The following SYNPR variants were observed in gnomAD, a reference collection of about 807,000 sequenced individuals.
SYNPR encodes the protein synaptoporin.
In SYNPR, 23 loss-of-function variants were observed where a neutral mutation model predicts 32.9. That is an observed-to-expected ratio of 0.70 (90% CI 0.50 to 0.99). The LOEUF (loss-of-function observed/expected upper bound fraction) is 0.99. Ranked by LOEUF, SYNPR falls within the 50% of genes least tolerant of loss-of-function variation. The probability of loss-of-function intolerance (pLI) is 0.00; values close to 1 mark genes in which losing one functional copy is unlikely to be tolerated. For missense variants in SYNPR, 318 were observed against 349.3 expected (o/e 0.91, Z 0.71); for synonymous variants, 146 against 135.9 (o/e 1.07, Z -0.52).
intron 2 of SYNPR, among the ~76,000 whole-genome samples, chr3:63,411,510 GATA>G (rs1235862237): frequency 2.0e-5 from 3 of 152,074 alleles, no homozygotes; most frequent in Non-Finnish European, 2.9e-5. Context: ...ACTACAAACT[GATA>G]ATAAAAGAAA....
At chr3:63,271,035 CCTT>C (rs1396460847) in intron 3 of SYNPR, among the ~76,000 whole-genome samples, 2 of 94,702 alleles carry the variant, frequency 2.1e-5, no homozygotes, top group African/African-American at 7.0e-5. Flanking sequence ...TTCCTTCCTT[CCTT>C]CTTTTCTTCC....
At chr3:63,394,094 T>C (rs2088179304) in intron 2 of SYNPR, among the ~76,000 whole-genome samples, 1 of 152,180 alleles carries the variant, frequency 6.6e-6, no homozygotes, top group Non-Finnish European at 1.5e-5. Context: ...ACTTCCCCCC[T>C]ACCAGGTGGT....
chr3:63,266,345 T>C (rs1413830535), intron 2 of SYNPR, among the ~76,000 whole-genome samples: 1 of 152,166 alleles, frequency 6.6e-6, no homozygotes, highest in Non-Finnish European at 1.5e-5. Flanking sequence ...CTCAGGTGTT[T>C]GTTGTATTTA....
intron 2 of SYNPR, among the ~76,000 whole-genome samples, chr3:63,341,881 T>C (rs1377679045): frequency 6.6e-6 from 1 of 152,124 alleles, no homozygotes; most frequent in Admixed American, 6.5e-5. Flanking sequence ...AAATTACCTA[T>C]TTTGTTTTGT....
chr3:63,483,548 T>C (rs1701087516), intron 3 of SYNPR, among the ~76,000 whole-genome samples: 1 of 152,186 alleles, frequency 6.6e-6, no homozygotes, highest in Non-Finnish European at 1.5e-5. Flanking sequence ...CATTTACTTT[T>C]AACTCTACAT....
At chr3:63,501,494 C>CAAAAAAAAAAAAAAAAAAAAAA (rs377290258) in intron 3 of SYNPR, among the ~76,000 whole-genome samples, 1 of 96,728 alleles carries the variant, frequency 1.0e-5, no homozygotes, top group Admixed American at 1.1e-4. Flanking sequence ...CTCCCCCAAC[C>CAAAAAAAAAAAAAAAAAAAAAA]AAAAAAAAAA....
intron 1 of SYNPR, among the ~76,000 whole-genome samples, chr3:63,249,657 C>T (rs1265395983): frequency 6.6e-6 from 1 of 152,090 alleles, no homozygotes; most frequent in Non-Finnish European, 1.5e-5. Flanking sequence ...AGAACTTACT[C>T]ATGTAACCAA....
chr3:63,571,493 G>C (rs1314396933), intron 4 of SYNPR, among the ~76,000 whole-genome samples: 1 of 151,972 alleles, frequency 6.6e-6, no homozygotes, highest in Non-Finnish European at 1.5e-5. Flanking sequence ...TTGATAAATA[G>C]GTAATCCGAA....
At chr3:63,455,199 C>G (rs566469381) in intron 2 of SYNPR, among the ~76,000 whole-genome samples, 5 of 152,162 alleles carry the variant, frequency 3.3e-5, no homozygotes, top group African/African-American at 1.2e-4. Flanking sequence ...AATGCTATTA[C>G]TTAATAATTG....
At chr3:63,256,753 A>G (rs2086387702) in intron 2 of SYNPR, among the ~76,000 whole-genome samples, 1 of 152,224 alleles carries the variant, frequency 6.6e-6, no homozygotes. Flanking sequence ...AGAAGGCTTC[A>G]GATGATCAAA....
chr3:63,277,144 T>TA (rs941944421), upstream of SYNPR, among the ~76,000 whole-genome samples: 1 of 152,126 alleles, frequency 6.6e-6, no homozygotes, highest in Non-Finnish European at 1.5e-5. Flanking sequence ...TTTCTGATTT[T>TA]AAAAAAATCA....
intron 2 of SYNPR, chr3:63,330,139 G>A (rs1397710078): frequency 2.0e-5 from 3 of 152,086 alleles, no homozygotes; most frequent in Non-Finnish European, 4.4e-5. Context: ...TCAGCCCTCA[G>A]GAGCCTTTTC....
intron 3 of SYNPR, among the ~76,000 whole-genome samples, chr3:63,529,191 A>G (rs1201588643): frequency 6.6e-6 from 1 of 152,226 alleles, no homozygotes; most frequent in East Asian, 1.9e-4. Flanking sequence ...AAAATCCTCC[A>G]ATGCTCAAGT....
chr3:63,560,026 G>C (rs150170136), intron 4 of SYNPR, among the ~76,000 whole-genome samples: 159 of 152,250 alleles, frequency 1.0e-3, no homozygotes, highest in African/African-American at 3.8e-3. Context: ...ATCTTGTAAA[G>C]GCATGCTGCT....
chr3:63,528,728 T>A (rs1250389185), intron 3 of SYNPR, among the ~76,000 whole-genome samples: 1 of 152,070 alleles, frequency 6.6e-6, no homozygotes, highest in Non-Finnish European at 1.5e-5. Context: ...CACAAACATA[T>A]AAGCACCACT....
chr3:63,483,347 G>A (rs1412004241), intron 3 of SYNPR, among the ~76,000 whole-genome samples: 1 of 152,144 alleles, frequency 6.6e-6, no homozygotes, highest in Non-Finnish European at 1.5e-5. Context: ...TAAAGAGAAA[G>A]TAAGTAGCAG....
In SYNPR at chr3:63,615,737, G is replaced by C. The variant is rs1350895584; in HGVS notation, c.*256G>C. 2.7e-6 allele frequency: 1 copy of C among 371,590 alleles called. No homozygotes were observed. The highest frequency in any genetic ancestry group is 4.8e-6 in the Non-Finnish European group (1 of 209,162). 23.0% of individuals were successfully genotyped at this position (371,590 alleles called of 1,614,324 possible). Reference sequence around the variant, plus strand: ...TTGTTATATATACAGATACTTTCATGGTCATTTTGTATGTATGTTAAAGTA... The same window carrying C: ...TTGTTATATATACAGATACTTTCATCGTCATTTTGTATGTATGTTAAAGTA... On this transcript the variant is annotated 3_prime_UTR_variant, in exon 6 of 6. Coordinates refer to ENST00000478300, the MANE Select transcript of SYNPR (RefSeq NM_001130003.2).
At chr3:63,553,528 G>A (rs1487208349) in intron 3 of SYNPR, among the ~76,000 whole-genome samples, 3 of 152,058 alleles carry the variant, frequency 2.0e-5, no homozygotes, top group African/African-American at 7.2e-5. Flanking sequence ...TGCTTTCCAT[G>A]GTGGCTAAGT....
chr3:63,255,224 T>C (rs896044663), intron 2 of SYNPR, among the ~76,000 whole-genome samples: 12 of 152,296 alleles, frequency 7.9e-5, no homozygotes, highest in Admixed American at 6.5e-4. Context: ...ACATATCTGA[T>C]TGTACTGCTA....
Sources: allele counts gnomAD v4.1 joint callset (sites outside exome capture counted in the v4.1 genomes callset), GRCh38; gene constraint gnomAD v4.1.1; transcripts MANE v1.5; gene names NCBI Gene and HGNC (gene_info 2026-07-23, HGNC 2026-07-21).